BCAS3: variants seen among roughly 807,000 people sequenced by gnomAD.
BCAS3 encodes BCAS4/BCAS3 fusion.
BCAS3 carries 53 observed loss-of-function variants against 116.1 expected under a neutral mutation model. The observed-to-expected ratio is 0.46, with a 90% confidence interval of 0.37 to 0.57. The LOEUF is 0.57. Ranked by LOEUF, BCAS3 falls within the 20% of genes least tolerant of loss-of-function variation. BCAS3 has a pLI of 0.00. For synonymous variants in BCAS3, 391 were observed against 408.2 expected, an observed-to-expected ratio of 0.96 and a Z score of 0.51; for missense variants, 917 against 1,165.4, an observed-to-expected ratio of 0.79 and a Z score of 3.10.
rs183318931 is a variant in BCAS3, at chr17:61,388,778, A to G, written c.2594-3199A>G. The G allele has an allele frequency of 6.8e-4, 938 of 1,384,898 alleles. 2 individuals are homozygous for G. In the African/African-American group the frequency reaches 9.5e-3, roughly 14 times the overall value. The allele number at this position is 1,384,898 out of a possible 1,614,324, so 85.8% of individuals were successfully genotyped here. A position where few individuals can be genotyped will look rare whatever the true frequency, so the allele number is the denominator to read the frequency against. On this transcript the variant is annotated intron_variant, in intron 23 of 23. Transcript: ENST00000407086. The surrounding 1 kb of genome is among the most constrained non-coding windows in gnomAD (Gnocchi z 6.5). ...CGGCCGGGATGACTTGGAGGGGGGA[A>G]TCTGAGCAGCCCTCCTCCCCTCCAC...
At position 61,034,952 on chromosome 17, in the gene BCAS3, G is replaced by A. The variant is rs537752916; in HGVS notation, c.1762+162G>A. The stretch of plus-strand genomic sequence containing the variant: ...TTCTCAACTACTCAAGCCTAGTCAA[G>A]AAGAAAAACTATCCTCTCAGTATGA... On this transcript the variant is annotated intron_variant, in intron 17 of 23. Transcript: ENST00000407086. The surrounding 1 kb of genome is among the most constrained non-coding windows in gnomAD (Gnocchi z 5.0). 6.6e-6 allele frequency among the ~76,000 whole-genome samples: 1 copy of A among 152,202 alleles called. No homozygotes were observed. Among genetic ancestry groups the A allele is most frequent in the African/African-American group, 2.4e-5 (1 of 41,544 alleles).
At chr17:60,743,100 G>C (rs2041728765) in intron 5 of BCAS3, among the ~76,000 whole-genome samples, 1 of 143,442 alleles carries the variant, frequency 7.0e-6, no homozygotes, top group Non-Finnish European at 1.5e-5. Flanking sequence ...GTGACAGAGC[G>C]AGACTCCTTC....
intron 4 of BCAS3, among the ~76,000 whole-genome samples, chr17:60,701,995 A>T (rs1251328893): frequency 6.6e-6 from 1 of 151,886 alleles, no homozygotes; most frequent in African/African-American, 2.4e-5. Flanking sequence ...AAAAGAAAGA[A>T]AAGTATGTCT....
rs1047220789 is a variant in BCAS3, at chr17:60,960,830, G to C, written c.1221+13478G>C. Among the ~76,000 whole-genome samples, 1 of 151,274 alleles carries C rather than the reference G, an allele frequency of 6.6e-6. No homozygotes were observed. Among genetic ancestry groups the C allele is most frequent in the African/African-American group, 2.4e-5 (1 of 41,060 alleles). ...TTGTGCCTTTCAGTCCAAGATGGCG[G>C]TGTTTCTGCAGATACTACATTCTCA... On this transcript the variant is annotated intron_variant, in intron 14 of 23. Coordinates refer to ENST00000407086, the MANE Select transcript of BCAS3 (RefSeq NM_017679.5). This position sits in a 1 kb window ranked among gnomAD's most constrained non-coding sequence, Gnocchi z 4.1.
At chr17:60,725,774 G>A (rs2039762150) in intron 5 of BCAS3, among the ~76,000 whole-genome samples, 1 of 152,202 alleles carries the variant, frequency 6.6e-6, no homozygotes, top group Non-Finnish European at 1.5e-5. Context: ...TCAGTATTAG[G>A]ATAGAGGTAT....
At chr17:61,119,661 A>G (rs1028270492) in intron 22 of BCAS3, among the ~76,000 whole-genome samples, 3 of 152,072 alleles carry the variant, frequency 2.0e-5, no homozygotes, top group Non-Finnish European at 2.9e-5. Context: ...CTCTAGATGT[A>G]GATATTCCAG....
intron 6 of BCAS3, among the ~76,000 whole-genome samples, chr17:60,789,868 C>G (rs1222327667): frequency 6.6e-6 from 1 of 151,962 alleles, no homozygotes; most frequent in Non-Finnish European, 1.5e-5. Context: ...TATGTGGACA[C>G]TTTTATTCAA....
At chr17:61,005,782 C>CT (rs975799628) in intron 15 of BCAS3, among the ~76,000 whole-genome samples, 11 of 135,630 alleles carry the variant, frequency 8.1e-5, no homozygotes, top group East Asian at 6.2e-4. Context: ...GAAAAAATTT[C>CT]TTTTTTTTCT....
chr17:60,932,624 C>T (rs12150339), intron 13 of BCAS3, among the ~76,000 whole-genome samples: 9 of 151,248 alleles, frequency 6.0e-5, no homozygotes, highest in Non-Finnish European at 1.2e-4. Context: ...CACCTGTAGT[C>T]TCAGCTGCTT....
rs139366423 is a variant in BCAS3 at position 61,134,908 on chromosome 17, A to C, written c.2425+50344A>C. Among the ~76,000 whole-genome samples the C allele has an allele frequency of 6.6e-6, 1 of 152,116 alleles. No homozygotes were observed. Among genetic ancestry groups the C allele is most frequent in the South Asian group, 2.1e-4 (1 of 4,836 alleles). ...GATTGTTGTTTTGTTTTTTTTTGAAATAAAACATTTGTACAAGTCAGTAAA... is the reference window on the plus strand; with the variant it reads ...GATTGTTGTTTTGTTTTTTTTTGAACTAAAACATTTGTACAAGTCAGTAAA... On this transcript the variant is annotated intron_variant, in intron 22 of 23. Transcript: ENST00000407086. The surrounding 1 kb of genome is among the most constrained non-coding windows in gnomAD (Gnocchi z 4.6).
In BCAS3 at chr17:61,008,065, T is replaced by C. The variant is rs907909669; in HGVS notation, c.1487-7686T>C. Among the ~76,000 whole-genome samples the C allele has an allele frequency of 2.0e-5, 3 of 150,172 alleles. No individual in the cohort carries two copies. The highest frequency in any genetic ancestry group is 2.1e-4 in the South Asian group (1 of 4,820). ...CGACACACACACACACACACACACA[T>C]AAAATTCATTTTCTTTTAGTGTGTG... On this transcript the variant is annotated intron_variant, in intron 15 of 23. Coordinates refer to ENST00000407086, the MANE Select transcript of BCAS3 (RefSeq NM_017679.5). This position sits in a 1 kb window ranked among gnomAD's most constrained non-coding sequence, Gnocchi z 4.6.
In BCAS3 at chr17:61,344,265, C is replaced by T. The variant is rs1430206292; in HGVS notation, c.2426-24062C>T. On this transcript the variant is annotated intron_variant, in intron 22 of 23. Transcript: ENST00000407086. The surrounding 1 kb of genome is among the most constrained non-coding windows in gnomAD (Gnocchi z 4.1). The stretch of plus-strand genomic sequence containing the variant: ...ACATTAAAAAAAAAAAATCCCCTTG[C>T]TTTTAAAGAGCCAACCTCTTACCAG... Among the ~76,000 whole-genome samples the T allele has an allele frequency of 6.6e-6, 1 of 152,050 alleles. No individual in the cohort carries two copies. The highest frequency in any genetic ancestry group is 1.5e-5 in the Non-Finnish European group (1 of 68,012).
At position 61,021,408 on chromosome 17, in the gene BCAS3, C is replaced by T. The variant is rs1177952166; in HGVS notation, c.1637+5507C>T. Among the ~76,000 whole-genome samples, 1 of 152,028 alleles carries T rather than the reference C, an allele frequency of 6.6e-6. No individual in the cohort carries two copies. Among genetic ancestry groups the T allele is most frequent in the Non-Finnish European group, 1.5e-5 (1 of 67,996 alleles). Reference sequence around the variant, plus strand: ...GATTTAGGTGGTTATTAGGAAGCTTCAGATGCACCCTGTAGAAGTAGGTTA... The same window carrying T: ...GATTTAGGTGGTTATTAGGAAGCTTTAGATGCACCCTGTAGAAGTAGGTTA... On this transcript the variant is annotated intron_variant, in intron 16 of 23. Transcript: ENST00000407086. The surrounding 1 kb of genome is among the most constrained non-coding windows in gnomAD (Gnocchi z 4.6).
intron 19 of BCAS3, among the ~76,000 whole-genome samples, chr17:61,049,820 T>C (rs2068693572): frequency 6.6e-6 from 1 of 150,444 alleles, no homozygotes; most frequent in Non-Finnish European, 1.5e-5. Flanking sequence ...GCAGCCTCTG[T>C]CTCCTGGGTT....
intron 6 of BCAS3, among the ~76,000 whole-genome samples, chr17:60,750,278 C>T (rs1311273998): frequency 6.6e-6 from 1 of 151,772 alleles, no homozygotes; most frequent in Non-Finnish European, 1.5e-5. Flanking sequence ...TCTCAGTAGC[C>T]ATTTATGATT....
intron 19 of BCAS3, among the ~76,000 whole-genome samples, chr17:61,071,791 A>G (rs2071454187): frequency 6.6e-6 from 1 of 152,212 alleles, no homozygotes; most frequent in Non-Finnish European, 1.5e-5. Flanking sequence ...GTGCCAATTA[A>G]TGATTAATTT....
chr17:60,775,303 G>A lies in BCAS3; in HGVS notation c.403+28024G>A, dbSNP rs73990967. 1.9e-3 allele frequency among the ~76,000 whole-genome samples: 290 copies of A among 152,172 alleles called. 3 individuals are homozygous for A. The highest frequency in any genetic ancestry group is 6.6e-3 in the African/African-American group (276 of 41,538). On this transcript the variant is annotated intron_variant, in intron 6 of 23. Transcript: ENST00000407086. ...TTATTTCTTTTGATCTCATGAATAG[G>A]TAAAGGAGTCTTAAACTTTCCTTCT...
At chr17:60,716,712 CA>C (rs766398636) in intron 5 of BCAS3, among the ~76,000 whole-genome samples, 8,014 of 126,140 alleles carry the variant, frequency 0.064, 557 homozygotes, top group African/African-American at 0.18. Context: ...AAGACCCTCT[CA>C]AAAAAAAAAA....
In BCAS3 at chr17:61,391,904, G is replaced by C; in HGVS notation, c.2594-73G>C. The C allele has an allele frequency of 6.5e-7, 1 of 1,535,316 alleles. No homozygotes were observed. The highest frequency in any genetic ancestry group is 1.8e-5 in the Admixed American group (1 of 56,238). On this transcript the variant is annotated intron_variant, in intron 23 of 23. Coordinates refer to ENST00000407086, the MANE Select transcript of BCAS3 (RefSeq NM_017679.5). The surrounding 1 kb of genome is among the most constrained non-coding windows in gnomAD (Gnocchi z 7.7). ...CCAGAATGGTGCCTCAAGGCAGGCA[G>C]CCTGGCCCAGATGGTGCCCCCACTC... is the stretch of plus-strand genomic sequence containing the variant.
Sources: allele counts gnomAD v4.1 joint callset (sites outside exome capture counted in the v4.1 genomes callset), GRCh38; gene constraint gnomAD v4.1.1; non-coding constraint Gnocchi (gnomAD v3.1); transcripts MANE v1.5; gene names NCBI Gene and HGNC (gene_info 2026-07-23, HGNC 2026-07-21).